The following ATP6V1H variants were observed in gnomAD, a reference collection of about 807,000 sequenced individuals.
The protein encoded by ATP6V1H is ATPase H+ transporting V1 subunit H, also known as V-type proton ATPase subunit H.
A neutral mutation model predicts 71.7 loss-of-function variants in ATP6V1H; 39 were observed. The observed-to-expected ratio is 0.54, with a 90% CI of 0.42 to 0.71. The LOEUF is 0.71. Among genes scored for constraint, ATP6V1H ranks in the 30% least tolerant of loss-of-function variants. The pLI, the probability that ATP6V1H is intolerant of heterozygous loss-of-function variation, is 0.00. For missense variants in ATP6V1H, 509 were observed against 594.9 expected, an observed-to-expected ratio of 0.86 and a Z score of 1.50; for synonymous variants, 192 against 199.3, an observed-to-expected ratio of 0.96 and a Z score of 0.31.
At chr8:53,747,478 TTTTA>T (rs1807645282) in intron 12 of ATP6V1H, among the ~76,000 whole-genome samples, 1 of 151,494 alleles carries the variant, frequency 6.6e-6, no homozygotes, top group Admixed American at 6.6e-5. Flanking sequence ...TCTCACTCTT[TTTTA>T]TTTTTTTTAC....
chr8:53,745,398 T>TA (rs1807563348), intron 12 of ATP6V1H, among the ~76,000 whole-genome samples: 1 of 150,978 alleles, frequency 6.6e-6, no homozygotes. Flanking sequence ...ACCCTGTTTC[T>TA]TAAAAAAAAA....
intron 13 of ATP6V1H, among the ~76,000 whole-genome samples, chr8:53,722,353 G>T (rs1403892527): frequency 6.6e-6 from 1 of 152,126 alleles, no homozygotes; most frequent in East Asian, 1.9e-4. Context: ...TCAGCAAGTG[G>T]TTATAATCAA....
intron 13 of ATP6V1H, among the ~76,000 whole-genome samples, chr8:53,728,051 T>C (rs376142150): frequency 2.4e-4 from 37 of 152,236 alleles, no homozygotes; most frequent in African/African-American, 8.4e-4. Flanking sequence ...TCTAGAGTGA[T>C]CTAAGAGTTC....
In ATP6V1H at chr8:53,784,600, T is replaced by G. The variant is rs548745425; in HGVS notation, c.870+11047A>C. On this transcript the variant is annotated intron_variant, in intron 9 of 13. Coordinates refer to ENST00000359530, the MANE Select transcript of ATP6V1H (RefSeq NM_015941.4). ...TCATTATGATGTTAGCTGGTTATTC[T>G]GCTCGTTAGTTGATGCAGTTTCTTC... 2.0e-5 allele frequency among the ~76,000 whole-genome samples: 3 copies of G among 152,376 alleles called. No individual in the cohort carries two copies. In the South Asian group the frequency reaches 6.2e-4, roughly 32 times the overall value.
At chr8:53,717,484 T>C (rs1303041412) in intron 13 of ATP6V1H, among the ~76,000 whole-genome samples, 1 of 152,246 alleles carries the variant, frequency 6.6e-6, no homozygotes, top group Non-Finnish European at 1.5e-5. Flanking sequence ...TATAACTGAC[T>C]CATTAATTTT....
chr8:53,773,543 AAG>A (rs1808751411), intron 9 of ATP6V1H, among the ~76,000 whole-genome samples: 1 of 152,232 alleles, frequency 6.6e-6, no homozygotes, highest in Non-Finnish European at 1.5e-5. Context: ...TTTTATCCTG[AAG>A]CTAAGGCACA....
Position 53,829,437 on chromosome 8 carries a change from T to C in ATP6V1H, c.306+7A>G, listed in dbSNP as rs757490285. The C allele has an allele frequency of 5.7e-6, 9 of 1,588,532 alleles. No individual in the cohort carries two copies. The Admixed American group carries it at 1.2e-4, about 21-fold the overall frequency. ...CACCAAATGTGTTAAGTAAAGAATA[T>C]ACCTACCTGCAGCATATCATCCACC... is the stretch of plus-strand genomic sequence containing the variant. On this transcript the variant is annotated splice_region_variant and intron_variant, in intron 4 of 13. Coordinates refer to ENST00000359530, the MANE Select transcript of ATP6V1H (RefSeq NM_015941.4).
intron 4 of ATP6V1H, among the ~76,000 whole-genome samples, chr8:53,820,869 T>G (rs749582512): frequency 2.7e-5 from 4 of 150,716 alleles, no homozygotes; most frequent in Non-Finnish European, 5.9e-5. Context: ...GTAATCCCAC[T>G]ACTCAGGAGG....
intron 11 of ATP6V1H, among the ~76,000 whole-genome samples, chr8:53,765,273 G>A (rs191493700): frequency 1.7e-4 from 26 of 151,816 alleles, no homozygotes; most frequent in African/African-American, 5.6e-4. Context: ...GTGGTGGTGC[G>A]CGCCTGTAAT....
chr8:53,740,959 T>C (rs1191258692), intron 13 of ATP6V1H, among the ~76,000 whole-genome samples: 1 of 152,158 alleles, frequency 6.6e-6, no homozygotes, highest in East Asian at 1.9e-4. Context: ...ATACAAAAAT[T>C]TCTCTATGAA....
intron 13 of ATP6V1H, among the ~76,000 whole-genome samples, chr8:53,730,216 T>C (rs1806971020): frequency 6.6e-6 from 1 of 152,232 alleles, no homozygotes; most frequent in Non-Finnish European, 1.5e-5. Context: ...TAACTTAGAT[T>C]CTGTGAGCCA....
intron 13 of ATP6V1H, among the ~76,000 whole-genome samples, chr8:53,720,773 A>C (rs1489899012): frequency 1.3e-5 from 2 of 152,252 alleles, no homozygotes; most frequent in East Asian, 3.8e-4. Flanking sequence ...GAAAACTACT[A>C]AGTCTCTTTT....
rs1442099092 is a variant in ATP6V1H at position 53,783,550 on chromosome 8, G to A, written c.871-11383C>T. Among the ~76,000 whole-genome samples the A allele has an allele frequency of 8.5e-5, 13 of 152,108 alleles. No individual in the cohort carries two copies. In the East Asian group the frequency reaches 2.5e-3, roughly 29 times the overall value. ...TTGTGTCTCTATCTCCTTCAGTTCT[G>A]CTCTGATCTTAGTTATTTCTTGCCT... On this transcript the variant is annotated intron_variant, in intron 9 of 13. Transcript: ENST00000359530.
At chr8:53,774,698 A>T (rs1808799769) in intron 9 of ATP6V1H, among the ~76,000 whole-genome samples, 1 of 152,072 alleles carries the variant, frequency 6.6e-6, no homozygotes, top group African/African-American at 2.4e-5. Flanking sequence ...TGGAGTCTAG[A>T]TATGAAAAAA....
At chr8:53,820,597 T>C (rs1418512355) in intron 4 of ATP6V1H, among the ~76,000 whole-genome samples, 1 of 148,636 alleles carries the variant, frequency 6.7e-6, no homozygotes, top group Non-Finnish European at 1.5e-5. Flanking sequence ...AACCCAAGAG[T>C]TTGAGGTTAC....
chr8:53,781,246 G>T (rs2130361648), intron 9 of ATP6V1H, among the ~76,000 whole-genome samples: 1 of 152,302 alleles, frequency 6.6e-6, no homozygotes, highest in East Asian at 1.9e-4. Context: ...ACTGGTGTGA[G>T]ATGGTATCTC....
intron 10 of ATP6V1H, among the ~76,000 whole-genome samples, chr8:53,771,720 CCAGGGTGGAGT>C (rs1364402066): frequency 1.3e-5 from 2 of 152,142 alleles, no homozygotes; most frequent in African/African-American, 4.8e-5. Flanking sequence ...TCGAGGAGCT[CCAGGGTGGAGT>C]CATCCTGAGG....
chr8:53,807,109 C>T (rs1810102025), intron 7 of ATP6V1H, among the ~76,000 whole-genome samples: 1 of 152,194 alleles, frequency 6.6e-6, no homozygotes, highest in East Asian at 1.9e-4. Flanking sequence ...ATTTCTGCTA[C>T]TTAATCAGCA....
rs559572436 is a variant in ATP6V1H at position 53,841,096 on chromosome 8, TAA to T, written c.113+480_113+481del. 2.2e-3 allele frequency among the ~76,000 whole-genome samples: 334 copies of T among 152,326 alleles called. 2 individuals carry two copies. Among genetic ancestry groups the T allele is most frequent in the African/African-American group, 7.7e-3 (319 of 41,568 alleles). ...TTACTTTATTGAGCCTCAGAGAAGTTAAGTGATTTGCTTAAGATCACCAAACT... is the reference window on the plus strand; with the variant it reads ...TTACTTTATTGAGCCTCAGAGAAGTTGTGATTTGCTTAAGATCACCAAACT... On this transcript the variant is annotated intron_variant, in intron 2 of 13. Coordinates refer to ENST00000359530, the MANE Select transcript of ATP6V1H (RefSeq NM_015941.4).
Sources: allele counts gnomAD v4.1 joint callset (sites outside exome capture counted in the v4.1 genomes callset), GRCh38; gene constraint gnomAD v4.1.1; transcripts MANE v1.5; gene names NCBI Gene and HGNC (gene_info 2026-07-23, HGNC 2026-07-21).